Variants in DNM3 observed in about 807,000 individuals in gnomAD.
DNM3 encodes dynamin-3.
DNM3 carries 47 observed loss-of-function variants against 101.6 expected under a neutral mutation model. That is an observed-to-expected ratio of 0.46 (90% confidence interval 0.37 to 0.59). The LOEUF is 0.59. Ranked by LOEUF, DNM3 falls within the 20% of genes least tolerant of loss-of-function variation. The probability of loss-of-function intolerance (pLI) is 0.00; values close to 1 mark genes in which losing one functional copy is unlikely to be tolerated. For synonymous variants in DNM3, 385 were observed against 387.9 expected (o/e 0.99, Z 0.09); for missense variants, 849 against 1,085.7 (o/e 0.78, Z 3.06).
intron 1 of DNM3, among the ~76,000 whole-genome samples, chr1:171,871,650 A>G (rs1304250099): frequency 1.3e-5 from 2 of 152,190 alleles, no homozygotes. Context: ...ATTAGTGACC[A>G]TATAAGTTAC....
chr1:171,866,194 C>A (rs577635001), intron 1 of DNM3, among the ~76,000 whole-genome samples: 3 of 152,134 alleles, frequency 2.0e-5, no homozygotes, highest in Non-Finnish European at 4.4e-5. Flanking sequence ...TCAACCCCCA[C>A]CTTAGTCATT....
At chr1:171,924,897 T>C (rs2040438220) in intron 2 of DNM3, among the ~76,000 whole-genome samples, 2 of 106,532 alleles carry the variant, frequency 1.9e-5, no homozygotes, top group Admixed American at 1.7e-4. Context: ...CTTTGCCCAC[T>C]TTTTTTTTTC....
intron 15 of DNM3, among the ~76,000 whole-genome samples, chr1:172,274,372 A>G (rs1383796952): frequency 6.6e-6 from 1 of 152,066 alleles, no homozygotes; most frequent in Non-Finnish European, 1.5e-5. Context: ...ATGTGTGGAA[A>G]TGAAGAAGTG....
intron 13 of DNM3, among the ~76,000 whole-genome samples, chr1:172,107,396 GA>G (rs11298588): frequency 0.25 from 37,347 of 147,988 alleles, 4,901 homozygotes; most frequent in East Asian, 0.46. Flanking sequence ...GTGGAATGTG[GA>G]AAAAAAAAAA....
chr1:172,342,099 A>G (rs894909667), intron 17 of DNM3, among the ~76,000 whole-genome samples: 3 of 152,144 alleles, frequency 2.0e-5, no homozygotes, highest in African/African-American at 7.2e-5. Context: ...TTAAAAAAAT[A>G]AAAAAATAGC....
intron 12 of DNM3, among the ~76,000 whole-genome samples, chr1:172,087,114 C>T (rs2053584436): frequency 6.6e-6 from 1 of 152,134 alleles, no homozygotes; most frequent in South Asian, 2.1e-4. Flanking sequence ...AACAGTTAAT[C>T]CAATGGACAA....
chr1:171,897,434 A>G (rs553581801), intron 1 of DNM3, among the ~76,000 whole-genome samples: 94 of 152,284 alleles, frequency 6.2e-4, no homozygotes, highest in Non-Finnish European at 1.1e-3. Context: ...TAAACTCTTC[A>G]GCTATTATCC....
At chr1:172,398,876 G>A (rs73046866) in intron 20 of DNM3, among the ~76,000 whole-genome samples, 4 of 152,266 alleles carry the variant, frequency 2.6e-5, no homozygotes, top group African/African-American at 9.6e-5. Flanking sequence ...AAATGTGGGT[G>A]TACCATTAAG....
intron 12 of DNM3, among the ~76,000 whole-genome samples, chr1:172,090,819 GC>G (rs1219027557): frequency 3.3e-5 from 5 of 152,224 alleles, no homozygotes; most frequent in African/African-American, 1.2e-4. Flanking sequence ...ACTTGTTACT[GC>G]AGCACAACAT....
intron 14 of DNM3, chr1:172,137,945 C>T (rs1287494042): frequency 6.6e-6 from 1 of 152,100 alleles, no homozygotes; most frequent in East Asian, 1.9e-4. Context: ...AACCACTTTC[C>T]TTATGCTTCT....
Position 172,412,445 on chromosome 1 carries a change from T to TG in DNM3, c.*4607dup, listed in dbSNP as rs1339273659. On this transcript the variant is annotated 3_prime_UTR_variant, in exon 21 of 21. Coordinates refer to ENST00000627582, the MANE Select transcript of DNM3 (RefSeq NM_015569.5). ...TTGTCTATTTTTACTTTCCCTTTTT[T>TG]GGGTCAAATTTTTCTTTTGCTTTGT... 2 of 985,692 alleles carry TG rather than the reference T, an allele frequency of 2.0e-6. No individual in the cohort carries two copies. Among genetic ancestry groups the TG allele is most frequent in the Non-Finnish European group, 2.4e-6 (2 of 829,924 alleles). The allele number at this position is 985,692 out of a possible 1,614,324, so 61.1% of individuals were successfully genotyped here. A position where few individuals can be genotyped will look rare whatever the true frequency, so the allele number is the denominator to read the frequency against.
chr1:172,044,368 T>G lies in DNM3; in HGVS notation c.1129-17T>G. 9 of 1,599,240 alleles carry G rather than the reference T, an allele frequency of 5.6e-6. No individual in the cohort carries two copies. Among genetic ancestry groups the G allele is most frequent in the Non-Finnish European group, 7.7e-6 (9 of 1,172,386 alleles). ...AGGAATTAAGTGTCATAACTATGGC[T>G]CATTTTGCATCTGCAGATGGAGTTC... is the stretch of plus-strand genomic sequence containing the variant. On this transcript the variant is annotated splice_polypyrimidine_tract_variant and intron_variant, in intron 8 of 20. Coordinates refer to ENST00000627582, the MANE Select transcript of DNM3 (RefSeq NM_015569.5).
chr1:172,178,028 C>T (rs941882935), intron 14 of DNM3, among the ~76,000 whole-genome samples: 1 of 151,856 alleles, frequency 6.6e-6, no homozygotes, highest in Non-Finnish European at 1.5e-5. Flanking sequence ...TGGTCTAGCC[C>T]ACTACATGCC....
intron 17 of DNM3, among the ~76,000 whole-genome samples, chr1:172,337,974 T>C (rs1206259627): frequency 6.6e-6 from 1 of 151,536 alleles, no homozygotes; most frequent in African/African-American, 2.4e-5. Context: ...TGGAGTGCAA[T>C]GGTGCAATCT....
At chr1:172,313,548 G>A (rs1434484816) in intron 16 of DNM3, among the ~76,000 whole-genome samples, 1 of 152,092 alleles carries the variant, frequency 6.6e-6, no homozygotes, top group Non-Finnish European at 1.5e-5. Flanking sequence ...CATGGAATGA[G>A]GTAGACTTCA....
chr1:172,267,916 G>A (rs955487066), intron 15 of DNM3, among the ~76,000 whole-genome samples: 26 of 152,224 alleles, frequency 1.7e-4, no homozygotes, highest in African/African-American at 5.8e-4. Context: ...GTTTCACCAC[G>A]TTAGCCAGGA....
chr1:172,290,874 C>G (rs190105211), intron 15 of DNM3, among the ~76,000 whole-genome samples: 3 of 151,968 alleles, frequency 2.0e-5, no homozygotes, highest in Admixed American at 2.0e-4. Context: ...AAGAGGAAGA[C>G]GAGACAAAAA....
intron 10 of DNM3, among the ~76,000 whole-genome samples, chr1:172,058,774 C>A (rs956385591): frequency 9.3e-5 from 14 of 150,920 alleles, no homozygotes; most frequent in African/African-American, 2.9e-4. Flanking sequence ...CCTAACATCA[C>A]AATTAAAAGA....
At chr1:171,999,967 C>T in intron 4 of DNM3, among the ~76,000 whole-genome samples, 1 of 152,066 alleles carries the variant, frequency 6.6e-6, no homozygotes, top group Non-Finnish European at 1.5e-5. Flanking sequence ...GTCTGGCTTG[C>T]AGAACTGTGA....
Sources: gnomAD v4.1 joint callset for allele counts (sites outside exome capture counted in the v4.1 genomes callset) on GRCh38, gnomAD v4.1.1 for gene constraint, MANE v1.5 for transcripts, NCBI Gene and HGNC (gene_info 2026-07-23, HGNC 2026-07-21) for gene names.